The following PTPRD variants were observed in gnomAD, a reference collection of about 807,000 sequenced individuals.
The protein encoded by PTPRD is protein tyrosine phosphatase receptor type D.
PTPRD carries 34 observed loss-of-function variants against 214.5 expected under a neutral mutation model. That is an observed-to-expected ratio of 0.16 (90% confidence interval 0.12 to 0.21). The LOEUF is 0.21. Among genes scored for constraint, PTPRD ranks in the 10% least tolerant of loss-of-function variants. PTPRD has a pLI of 1.00. For missense variants in PTPRD, 2,545 were observed against 2,398.7 expected, an observed-to-expected ratio of 1.06 and a Z score of -1.27; for synonymous variants, 1,128 against 845.7, an observed-to-expected ratio of 1.33 and a Z score of -5.79.
intron 11 of PTPRD, among the ~76,000 whole-genome samples, chr9:8,887,341 C>A (rs1439005245): frequency 6.6e-6 from 1 of 152,248 alleles, no homozygotes; most frequent in East Asian, 1.9e-4. Context: ...TAAAAACCAT[C>A]GTGGCAGTGA....
At chr9:10,136,409 C>G (rs2098944056) in intron 3 of PTPRD, among the ~76,000 whole-genome samples, 3 of 152,064 alleles carry the variant, frequency 2.0e-5, no homozygotes, top group Admixed American at 6.6e-5. Context: ...GAATACTCAA[C>G]CTAACAACCG....
At position 8,627,449 on chromosome 9, in the gene PTPRD, C is replaced by A. The variant is rs79741651; in HGVS notation, c.352+5868G>T. On this transcript the variant is annotated intron_variant, in intron 14 of 45. Transcript: ENST00000381196. The stretch of plus-strand genomic sequence containing the variant: ...CTTCTAGCTCAACATTTCTATGGTT[C>A]GGTTAACAAGTTAAGCAGCAGTAAA... Among the ~76,000 whole-genome samples the A allele has an allele frequency of 2.8e-4, 42 of 151,820 alleles. No individual in the cohort carries two copies. The East Asian group carries it at 8.2e-3, about 30-fold the overall frequency.
At chr9:8,344,428 A>G (rs1564123019) in intron 39 of PTPRD, among the ~76,000 whole-genome samples, 1 of 151,344 alleles carries the variant, frequency 6.6e-6, no homozygotes. Context: ...AACTCTAAAC[A>G]GTATCAACCT....
chr9:8,964,765 C>A (rs1396950422), intron 11 of PTPRD, among the ~76,000 whole-genome samples: 1 of 152,100 alleles, frequency 6.6e-6, no homozygotes, highest in Non-Finnish European at 1.5e-5. Context: ...TCTGTTTTCA[C>A]TTACTTCAAA....
intron 8 of PTPRD, among the ~76,000 whole-genome samples, chr9:9,525,380 T>A (rs1474104708): frequency 2.0e-5 from 3 of 152,162 alleles, no homozygotes; most frequent in African/African-American, 7.2e-5. Context: ...ATATTGCTAA[T>A]CTTCAGTATA....
At chr9:9,782,329 G>C (rs954064082) in intron 5 of PTPRD, among the ~76,000 whole-genome samples, 8 of 152,078 alleles carry the variant, frequency 5.3e-5, no homozygotes, top group African/African-American at 1.9e-4. Flanking sequence ...ATGAGATTAA[G>C]ATTTTCTAAG....
intron 10 of PTPRD, among the ~76,000 whole-genome samples, chr9:9,066,862 G>A (rs141586336): frequency 9.7e-4 from 148 of 152,312 alleles, no homozygotes; most frequent in African/African-American, 3.3e-3. Context: ...CTCTGATTTT[G>A]TTCTTCTGGC....
intron 8 of PTPRD, among the ~76,000 whole-genome samples, chr9:9,438,553 T>C (rs1462802532): frequency 6.6e-6 from 1 of 152,176 alleles, no homozygotes; most frequent in East Asian, 1.9e-4. Flanking sequence ...TAGCAAATTG[T>C]ATAAATCAGT....
chr9:8,692,957 C>G (rs571854087), intron 12 of PTPRD, among the ~76,000 whole-genome samples: 1 of 152,320 alleles, frequency 6.6e-6, no homozygotes, highest in Non-Finnish European at 1.5e-5. Context: ...CCAGGCTTAA[C>G]GCCAGTGTGA....
intron 10 of PTPRD, chr9:9,091,251 T>C: frequency 8.1e-7 from 1 of 1,241,980 alleles, no homozygotes; most frequent in Non-Finnish European, 1.2e-6. Context: ...TGTAAGGAGC[T>C]GAGTTCTTAA....
intron 9 of PTPRD, among the ~76,000 whole-genome samples, chr9:9,382,996 C>A (rs1407223482): frequency 1.3e-5 from 2 of 151,878 alleles, no homozygotes; most frequent in East Asian, 1.9e-4. Flanking sequence ...AAAATCTTGT[C>A]ATTTGCAACA....
chr9:8,520,698 G>GT (rs1216200723), intron 20 of PTPRD, among the ~76,000 whole-genome samples: 1 of 152,032 alleles, frequency 6.6e-6, no homozygotes, highest in Non-Finnish European at 1.5e-5. Context: ...TATTTAGTCT[G>GT]TTTTTTAAAG....
intron 2 of PTPRD, among the ~76,000 whole-genome samples, chr9:10,581,772 T>C (rs2071917248): frequency 6.6e-6 from 1 of 152,162 alleles, no homozygotes; most frequent in Non-Finnish European, 1.5e-5. Context: ...AATATAAGGG[T>C]ATTAAATAGA....
intron 3 of PTPRD, among the ~76,000 whole-genome samples, chr9:10,140,944 T>C (rs2098980323): frequency 6.6e-6 from 1 of 151,980 alleles, no homozygotes; most frequent in Non-Finnish European, 1.5e-5. Context: ...GCTGGTTCAT[T>C]ATACGCAAAT....
chr9:9,137,394 G>C (rs1302862934), intron 10 of PTPRD, among the ~76,000 whole-genome samples: 1 of 152,160 alleles, frequency 6.6e-6, no homozygotes, highest in East Asian at 1.9e-4. Context: ...GGTTTGAGAA[G>C]TTGTAAAGTT....
chr9:8,913,211 G>T (rs938262520), intron 11 of PTPRD, among the ~76,000 whole-genome samples: 4 of 151,892 alleles, frequency 2.6e-5, no homozygotes, highest in African/African-American at 9.7e-5. Context: ...TGCAATAATT[G>T]GCAATGGGAT....
intron 7 of PTPRD, among the ~76,000 whole-genome samples, chr9:9,622,945 G>C (rs2095297242): frequency 6.6e-6 from 1 of 152,158 alleles, no homozygotes; most frequent in Non-Finnish European, 1.5e-5. Context: ...CATTGAGATA[G>C]GTTACCTATG....
At chr9:8,889,591 G>A (rs1420039873) in intron 11 of PTPRD, among the ~76,000 whole-genome samples, 2 of 152,142 alleles carry the variant, frequency 1.3e-5, no homozygotes, top group Non-Finnish European at 2.9e-5. Context: ...TGCTCAATGT[G>A]TAGTCTTTTA....
At chr9:9,912,744 T>C (rs2079565606) in intron 5 of PTPRD, among the ~76,000 whole-genome samples, 1 of 152,206 alleles carries the variant, frequency 6.6e-6, no homozygotes, top group African/African-American at 2.4e-5. Flanking sequence ...TAACCCAAGT[T>C]GAGAATGATA....
Sources: gnomAD v4.1 joint callset for allele counts (sites outside exome capture counted in the v4.1 genomes callset) on GRCh38, gnomAD v4.1.1 for gene constraint, MANE v1.5 for transcripts, NCBI Gene and HGNC (gene_info 2026-07-23, HGNC 2026-07-21) for gene names.